The following TCF20 variants were observed in gnomAD, a reference collection of about 807,000 sequenced individuals.
TCF20 encodes the protein transcription factor 20.
Under a neutral mutation model 148.6 loss-of-function variants are expected in TCF20, and 3 were observed. The ratio of observed to expected loss-of-function variants is 0.02; its 90% CI spans 0.01 to 0.05. TCF20 has a LOEUF of 0.05. TCF20 is among the 10% of genes least tolerant of loss of function. The pLI is 1.00. For missense variants in TCF20, 2,350 were observed against 2,429.3 expected, an observed-to-expected ratio of 0.97 and a Z score of 0.69; for synonymous variants, 1,049 against 909.5, an observed-to-expected ratio of 1.15 and a Z score of -2.76.
In TCF20 at chr22:42,211,931, C is replaced by T. The variant is rs199870032; in HGVS notation, c.3375G>A (p.Gln1125=). The change falls in exon 2 of 6, where the codon CAG becomes CAA. Residue 1125 remains glutamine (Q), a synonymous_variant. Transcript: ENST00000677622. ...TCCGTACTCTGTCAAGAAACTGCTGCTGCCTTGGACTCTTCCGTGGCCCCT... is the reference window on the plus strand; with the variant it reads ...TCCGTACTCTGTCAAGAAACTGCTGTTGCCTTGGACTCTTCCGTGGCCCCT... ...RQEGPRKSPR[Q]QQFLDRVRSP... is the part of the protein sequence containing the mutation. The T allele has an allele frequency of 6.2e-7, 1 of 1,614,206 alleles. No individual in the cohort carries two copies. Among genetic ancestry groups the T allele is most frequent in the East Asian group, 2.2e-5 (1 of 44,882 alleles).
At chr22:42,276,524 T>C (rs1437539683) in intron 1 of TCF20, 1 of 152,260 alleles carries the variant, frequency 6.6e-6, no homozygotes, top group Non-Finnish European at 1.5e-5. Context: ...GAAATGTTTC[T>C]GCTCATCTTC....
intron 1 of TCF20, among the ~76,000 whole-genome samples, chr22:42,257,548 G>A (rs538882626): frequency 1.2e-4 from 19 of 152,276 alleles, no homozygotes; most frequent in African/African-American, 4.3e-4. Flanking sequence ...AGGCTCAGAG[G>A]CAAAATGGTA....
chr22:42,323,930 T>C (rs868170325), intron 1 of TCF20, among the ~76,000 whole-genome samples: 229 of 99,216 alleles, frequency 2.3e-3, no homozygotes, highest in African/African-American at 4.9e-3. Context: ...GAGGTTATGG[T>C]GGTGGTGGTG....
Position 42,297,888 on chromosome 22 carries a change from G to A in TCF20, c.-37+45591C>T, listed in dbSNP as rs571113275. Among the ~76,000 whole-genome samples, 2 of 152,262 alleles carry A rather than the reference G, an allele frequency of 1.3e-5. No homozygotes were observed. The highest frequency in any genetic ancestry group is 1.3e-4 in the Admixed American group (2 of 15,308). ...GGGTTCACAGCAGGGCTCCTCTCTG[G>A]CACCCATGCAGAGCAGGCAAGGATG... On this transcript the variant is annotated intron_variant, in intron 1 of 1. Coordinates refer to the TCF20 transcript ENST00000515426. This position sits in a 1 kb window ranked among gnomAD's most constrained non-coding sequence, Gnocchi z 4.3.
At chr22:42,280,672 C>G (rs1382932956) in intron 1 of TCF20, among the ~76,000 whole-genome samples, 3 of 152,218 alleles carry the variant, frequency 2.0e-5, no homozygotes, top group African/African-American at 7.2e-5. Flanking sequence ...CGATGACCAT[C>G]TCCATTTTAC....
intron 1 of TCF20, among the ~76,000 whole-genome samples, chr22:42,228,830 C>A (rs376299372): frequency 4.1e-4 from 63 of 152,050 alleles, no homozygotes; most frequent in Admixed American, 1.2e-3. Flanking sequence ...AAACTGCAGG[C>A]TGTGAAATCA....
chr22:42,290,522 C>G lies in TCF20; in HGVS notation c.-37+52957G>C, dbSNP rs560644867. Among the ~76,000 whole-genome samples, 2 of 152,238 alleles carry G rather than the reference C, an allele frequency of 1.3e-5. No homozygotes were observed. The highest frequency in any genetic ancestry group is 4.2e-4 in the South Asian group (2 of 4,814). On this transcript the variant is annotated intron_variant, in intron 1 of 1. Transcript: ENST00000515426. This position sits in a 1 kb window ranked among gnomAD's most constrained non-coding sequence, Gnocchi z 4.2. Reference sequence around the variant, plus strand: ...CACGTGGGAGGCCTCTGCTCCTGACCTTTGCTTAGCACAGGCAGGGGACCC... The same window carrying G: ...CACGTGGGAGGCCTCTGCTCCTGACGTTTGCTTAGCACAGGCAGGGGACCC...
Position 42,279,453 on chromosome 22 carries a change from G to A in TCF20, c.-37+4374C>T, listed in dbSNP as rs1926852727. ...GATTGCGCCACTGCACTCCAGTCTG[G>A]GCAACAGAGCGACTCCCTCTCAATA... On this transcript the variant is annotated intron_variant, in intron 1 of 5. Transcript: ENST00000359486. The surrounding 1 kb of genome is among the most constrained non-coding windows in gnomAD (Gnocchi z 4.3). Among the ~76,000 whole-genome samples the A allele has an allele frequency of 6.6e-6, 1 of 152,126 alleles. No individual in the cohort carries two copies. The highest frequency in any genetic ancestry group is 2.1e-4 in the South Asian group (1 of 4,830).
intron 1 of TCF20, among the ~76,000 whole-genome samples, chr22:42,296,443 T>C (rs989383805): frequency 1.9e-4 from 29 of 152,236 alleles, no homozygotes; most frequent in African/African-American, 6.3e-4. Flanking sequence ...TGTGCCCGGC[T>C]CCCCAAGGGC....
intron 3 of TCF20, among the ~76,000 whole-genome samples, chr22:42,172,113 G>C (rs1411412766): frequency 6.6e-6 from 1 of 152,228 alleles, no homozygotes; most frequent in African/African-American, 2.4e-5. Context: ...GCCTGAGGCA[G>C]TGTCCATCTC....
At chr22:42,295,441 T>TC (rs1927215637) in intron 1 of TCF20, among the ~76,000 whole-genome samples, 1 of 149,432 alleles carries the variant, frequency 6.7e-6, no homozygotes, top group Non-Finnish European at 1.5e-5. Flanking sequence ...TGTTTTCTTT[T>TC]CTTTTTTTTT....
intron 1 of TCF20, among the ~76,000 whole-genome samples, chr22:42,239,904 A>G (rs943660797): frequency 6.6e-6 from 1 of 152,238 alleles, no homozygotes; most frequent in Non-Finnish European, 1.5e-5. Context: ...GCACCAACAG[A>G]CTTAGACTTG....
intron 1 of TCF20, among the ~76,000 whole-genome samples, chr22:42,323,924 T>G (rs1927794234): frequency 1.1e-5 from 1 of 87,938 alleles, no homozygotes; most frequent in Admixed American, 1.1e-4. Flanking sequence ...GTGATGGAGG[T>G]TATGGTGGTG....
In TCF20 at chr22:42,161,241, C is replaced by T. The variant is rs949769903; in HGVS notation, c.*162G>A. 2.9e-6 allele frequency: 4 copies of T among 1,392,272 alleles called. No homozygotes were observed. Among genetic ancestry groups the T allele is most frequent in the Non-Finnish European group, 3.9e-6 (4 of 1,019,856 alleles). 86.2% of individuals were successfully genotyped at this position (1,392,272 alleles called of 1,614,324 possible). ...TGTGATGTGAGAACTTAAGGAAGTGCTGGCATGGGCAGGCACGCGGGCGGG... is the reference window on the plus strand; with the variant it reads ...TGTGATGTGAGAACTTAAGGAAGTGTTGGCATGGGCAGGCACGCGGGCGGG... On this transcript the variant is annotated 3_prime_UTR_variant, in exon 6 of 6. Coordinates refer to ENST00000677622, the MANE Select transcript of TCF20 (RefSeq NM_001378418.1).
intron 1 of TCF20, among the ~76,000 whole-genome samples, chr22:42,321,363 C>G (rs1486961885): frequency 6.6e-6 from 1 of 152,206 alleles, no homozygotes; most frequent in Non-Finnish European, 1.5e-5. Flanking sequence ...GCTCTGTGAG[C>G]TAGGCCCCAG....
Position 42,256,192 on chromosome 22 carries a change from A to G in TCF20, c.-37+14147T>C, listed in dbSNP as rs1925732446. ...TCCCCAGCACTCCAGCTACACCACT[A>G]TTACAGCCTTATCAATCATTCATAC... On this transcript the variant is annotated intron_variant, in intron 1 of 5. Transcript: ENST00000677622. 2.0e-5 allele frequency among the ~76,000 whole-genome samples: 3 copies of G among 152,252 alleles called. No homozygotes were observed. The South Asian group carries it at 6.2e-4, about 32-fold the overall frequency.
chr22:42,215,957 C>A (rs898014347), intron 1 of TCF20, among the ~76,000 whole-genome samples: 16 of 152,024 alleles, frequency 1.1e-4, no homozygotes, highest in African/African-American at 3.6e-4. Context: ...GACAAATGAG[C>A]CCCCAAACTC....
At chr22:42,257,020 T>A (rs1419036895) in intron 1 of TCF20, among the ~76,000 whole-genome samples, 3 of 151,806 alleles carry the variant, frequency 2.0e-5, no homozygotes, top group Non-Finnish European at 4.4e-5. Context: ...ATTAGCAGGG[T>A]GTGGTGGCAT....
At chr22:42,242,478 T>C (rs1013413914) in intron 1 of TCF20, among the ~76,000 whole-genome samples, 7 of 152,068 alleles carry the variant, frequency 4.6e-5, no homozygotes, top group Non-Finnish European at 8.8e-5. Flanking sequence ...TAAATATCTA[T>C]TGTGGTCATA....
Sources: gnomAD v4.1 joint callset for allele counts (sites outside exome capture counted in the v4.1 genomes callset) on GRCh38, gnomAD v4.1.1 for gene constraint, Gnocchi (gnomAD v3.1) non-coding constraint, MANE v1.5 for transcripts, NCBI Gene and HGNC (gene_info 2026-07-23, HGNC 2026-07-21) for gene names.